Variants in TP63 observed in about 807,000 individuals in gnomAD.
TP63 encodes the protein tumor protein p63.
A neutral mutation model predicts 82.8 loss-of-function variants in TP63; 17 were observed. The observed-to-expected ratio is 0.21, with a 90% CI of 0.14 to 0.31. The LOEUF (loss-of-function observed/expected upper bound fraction) is 0.31. Among genes scored for constraint, TP63 ranks in the 10% least tolerant of loss-of-function variants. The pLI is 1.00. For missense variants in TP63, 648 were observed against 895.3 expected (o/e 0.72, Z 3.52); for synonymous variants, 330 against 321.7 (o/e 1.03, Z -0.28).
intron 4 of TP63, 127 bp from the exon 5 acceptor site, chr3:189,864,105 G>C (rs921983394): frequency 8.5e-7 from 1 of 1,176,400 alleles, no homozygotes; most frequent in East Asian, 2.3e-5. Flanking sequence ...ATCTATAGTA[G>C]CCAGTAGTAA....
intron 9 of TP63, among the ~76,000 whole-genome samples, chr3:189,870,796 C>G (rs940936712): frequency 2.6e-5 from 4 of 152,122 alleles, no homozygotes; most frequent in African/African-American, 9.7e-5. Flanking sequence ...TTGATGCCAT[C>G]TAAAGCGATG....
At chr3:189,636,726 T>A (rs1476286522) in intron 1 of TP63, among the ~76,000 whole-genome samples, 1 of 152,162 alleles carries the variant, frequency 6.6e-6, no homozygotes, top group Non-Finnish European at 1.5e-5. Context: ...GGAAGTAAGA[T>A]AATTATTTGC....
At chr3:189,732,496 A>G (rs940274671) in intron 1 of TP63, among the ~76,000 whole-genome samples, 1 of 152,210 alleles carries the variant, frequency 6.6e-6, no homozygotes, top group Non-Finnish European at 1.5e-5. Flanking sequence ...ACACTATCTA[A>G]TCAGTTTAAT....
intron 10 of TP63, among the ~76,000 whole-genome samples, chr3:189,877,662 T>C (rs980147667): frequency 6.6e-6 from 1 of 152,182 alleles, no homozygotes; most frequent in African/African-American, 2.4e-5. Context: ...TCAGAGATTA[T>C]TAGAACAAAG....
intron 3 of TP63, chr3:189,789,874 G>A (rs1355141705): frequency 1.3e-5 from 20 of 1,522,750 alleles, no homozygotes; most frequent in Middle Eastern, 3.4e-4. Flanking sequence ...ACTCCATTTA[G>A]AGATGCTTTT....
At chr3:189,680,581 C>T (rs1441505374) in intron 1 of TP63, among the ~76,000 whole-genome samples, 5 of 152,162 alleles carry the variant, frequency 3.3e-5, no homozygotes, top group African/African-American at 9.7e-5. Flanking sequence ...AAGCATCATA[C>T]ACCATGATCA....
intron 4 of TP63, among the ~76,000 whole-genome samples, chr3:189,840,087 C>T (rs978603950): frequency 6.6e-6 from 1 of 152,132 alleles, no homozygotes. Flanking sequence ...GATCACAGTA[C>T]GTGTTAGCTT....
chr3:189,861,646 T>C (rs1717056529), intron 4 of TP63, among the ~76,000 whole-genome samples: 2 of 152,186 alleles, frequency 1.3e-5, no homozygotes, highest in Non-Finnish European at 2.9e-5. Context: ...GTAAGCAATA[T>C]ACTGAGAAAT....
rs75692467 is a variant in TP63 at position 189,772,974 on chromosome 3, A to G, written c.324+34200A>G. ...CTTAAACATCAAGGTCCCTTAGTGT[A>G]AGGAGACAACGGGGTCTTTCCTTTT... On this transcript the variant is annotated intron_variant, in intron 3 of 13. Coordinates refer to ENST00000264731, the MANE Select transcript of TP63 (RefSeq NM_003722.5). Among the ~76,000 whole-genome samples the G allele has an allele frequency of 4.8e-3, 727 of 152,346 alleles. 4 individuals are homozygous for G. The highest frequency in any genetic ancestry group is 0.017 in the African/African-American group (703 of 41,582).
intron 1 of TP63, among the ~76,000 whole-genome samples, chr3:189,634,997 T>C (rs993185014): frequency 6.6e-5 from 10 of 152,068 alleles, no homozygotes; most frequent in African/African-American, 2.4e-4. Flanking sequence ...TCTTTCAAAG[T>C]ATTTTTTTCA....
At chr3:189,804,552 C>T (rs1327270407) in intron 3 of TP63, among the ~76,000 whole-genome samples, 6 of 152,164 alleles carry the variant, frequency 3.9e-5, no homozygotes, top group Admixed American at 3.9e-4. Context: ...CTATAATGGC[C>T]AGCCCTTGGC....
intron 4 of TP63, among the ~76,000 whole-genome samples, chr3:189,809,563 A>G (rs889095392): frequency 6.6e-6 from 1 of 152,248 alleles, no homozygotes; most frequent in South Asian, 2.1e-4. Flanking sequence ...TAATGTTTAC[A>G]TGGATTATAG....
chr3:189,649,096 A>T (rs1447844951), intron 1 of TP63, among the ~76,000 whole-genome samples: 3 of 147,376 alleles, frequency 2.0e-5, no homozygotes, highest in Non-Finnish European at 4.5e-5. Context: ...GCTATTATGG[A>T]AGTGTATCTT....
Position 189,689,156 on chromosome 3 carries a change from G to A in TP63, c.63-48584G>A, listed in dbSNP as rs529165539. 4.2e-4 allele frequency among the ~76,000 whole-genome samples: 49 copies of A among 115,784 alleles called. 1 individual carries two copies. Among genetic ancestry groups the A allele is most frequent in the Admixed American group, 4.2e-3 (33 of 7,948 alleles). 76.0% of individuals were successfully genotyped at this position (115,784 alleles called of 152,430 possible). On this transcript the variant is annotated intron_variant, in intron 1 of 13. Transcript: ENST00000264731. ...TTTTGAGACGGAGTCTCACTCTGTC[G>A]CCCAGGCTGGAGTGCAATGGCATGA...
intron 1 of TP63, among the ~76,000 whole-genome samples, chr3:189,660,373 G>A (rs1252178758): frequency 6.6e-6 from 1 of 151,854 alleles, no homozygotes; most frequent in African/African-American, 2.4e-5. Flanking sequence ...ATGGCTGTCT[G>A]TCTGGGTTCT....
intron 1 of TP63, among the ~76,000 whole-genome samples, chr3:189,643,865 C>T (rs1560080017): frequency 6.6e-6 from 1 of 152,134 alleles, no homozygotes; most frequent in Admixed American, 6.5e-5. Flanking sequence ...TCATAGTTGA[C>T]CCATGGTTAC....
At position 189,743,654 on chromosome 3, in the gene TP63, T is replaced by C. The variant is rs1014969890; in HGVS notation, c.324+4880T>C. ...TCTTCAAAATGGTTGACTGGATTCA[T>C]CATAGGCACCTACTCCATGGAGAGG... On this transcript the variant is annotated intron_variant, in intron 3 of 13. Transcript: ENST00000264731. 2.6e-5 allele frequency among the ~76,000 whole-genome samples: 4 copies of C among 152,180 alleles called. No homozygotes were observed. In the East Asian group the frequency reaches 5.8e-4, roughly 22 times the overall value.
chr3:189,705,559 G>A (rs191862016), intron 1 of TP63, among the ~76,000 whole-genome samples: 9 of 152,090 alleles, frequency 5.9e-5, no homozygotes, highest in Admixed American at 5.2e-4. Flanking sequence ...TCCTGAGTGC[G>A]AAGCAGCCTT....
chr3:189,892,429 C>G (rs998221680), intron 13 of TP63, among the ~76,000 whole-genome samples: 1 of 152,152 alleles, frequency 6.6e-6, no homozygotes, highest in Non-Finnish European at 1.5e-5. Context: ...TGAACAGAGT[C>G]TAATTTACAA....
Sources: gnomAD v4.1 joint callset for allele counts (sites outside exome capture counted in the v4.1 genomes callset) on GRCh38, gnomAD v4.1.1 for gene constraint, MANE v1.5 for transcripts, NCBI Gene and HGNC (gene_info 2026-07-23, HGNC 2026-07-21) for gene names.